Variants in MCTP1 observed in about 807,000 individuals in gnomAD.
MCTP1 encodes the protein multiple C2 and transmembrane domain containing 1.
Under a neutral mutation model 120.6 loss-of-function variants are expected in MCTP1, and 69 were observed. The ratio of observed to expected loss-of-function variants is 0.57; its 90% CI spans 0.47 to 0.70. The LOEUF (loss-of-function observed/expected upper bound fraction) is 0.70. MCTP1 is among the 30% of genes least tolerant of loss of function. The probability of loss-of-function intolerance (pLI) is 0.00; values close to 1 mark genes in which losing one functional copy is unlikely to be tolerated. For synonymous variants in MCTP1, 529 were observed against 493.1 expected (o/e 1.07, Z -0.96); for missense variants, 1,203 against 1,248.8 (o/e 0.96, Z 0.55).
At chr5:94,916,907 G>C (rs1398045677) in intron 8 of MCTP1, among the ~76,000 whole-genome samples, 5 of 152,178 alleles carry the variant, frequency 3.3e-5, no homozygotes, top group African/African-American at 1.2e-4. Context: ...TGGTGCATGC[G>C]CACTGGCTTC....
chr5:94,987,299 G>A (rs1055108300), intron 2 of MCTP1, among the ~76,000 whole-genome samples: 5 of 152,072 alleles, frequency 3.3e-5, no homozygotes, highest in African/African-American at 4.8e-5. Flanking sequence ...ATTATTATAA[G>A]CATGGGGCTT....
chr5:94,726,687 G>A (rs933705138), intron 19 of MCTP1, among the ~76,000 whole-genome samples: 2 of 152,040 alleles, frequency 1.3e-5, no homozygotes, highest in African/African-American at 4.8e-5. Context: ...AGGTGGCAGG[G>A]TCATATGGTT....
chr5:94,947,573 TATATAG>T lies in MCTP1; in HGVS notation c.982-5152_982-5147del, dbSNP rs1336439929. Among the ~76,000 whole-genome samples the T allele has an allele frequency of 3.3e-3, 157 of 47,010 alleles. 1 individual carries two copies. Among genetic ancestry groups the T allele is most frequent in the Admixed American group, 5.2e-3 (23 of 4,436 alleles). The allele number at this position is 47,010 out of a possible 152,430, so 30.8% of individuals were successfully genotyped here. ...TTTACTAAATATATATATATATATA[TATATAG>T]AGAGAGAGAGAGAGAGAGAGAGAGA... On this transcript the variant is annotated intron_variant, in intron 3 of 22. Transcript: ENST00000515393.
chr5:94,783,792 C>T (rs1472978976), intron 18 of MCTP1, among the ~76,000 whole-genome samples: 1 of 152,046 alleles, frequency 6.6e-6, no homozygotes, highest in Non-Finnish European at 1.5e-5. Flanking sequence ...AATTCTTCCA[C>T]TTATTTAAAT....
chr5:95,105,991 G>A (rs1045722623), intron 1 of MCTP1, among the ~76,000 whole-genome samples: 18 of 152,280 alleles, frequency 1.2e-4, no homozygotes, highest in Middle Eastern at 3.4e-3. Context: ...CAGGACCAAA[G>A]ATCCCAAGGA....
intron 12 of MCTP1, among the ~76,000 whole-genome samples, chr5:94,882,004 T>C (rs1391360351): frequency 6.6e-6 from 1 of 152,290 alleles, no homozygotes; most frequent in South Asian, 2.1e-4. Context: ...TATGTATAAT[T>C]TACTCTCATG....
intron 19 of MCTP1, among the ~76,000 whole-genome samples, chr5:94,732,654 GA>G (rs1421354592): frequency 6.6e-6 from 1 of 152,134 alleles, no homozygotes; most frequent in Non-Finnish European, 1.5e-5. Context: ...ATTACATCAT[GA>G]GGGTGGAACT....
intron 19 of MCTP1, among the ~76,000 whole-genome samples, chr5:94,716,236 G>A (rs1759263294): frequency 6.6e-6 from 1 of 152,142 alleles, no homozygotes; most frequent in Non-Finnish European, 1.5e-5. Context: ...TCTTGCTTAT[G>A]CCAAAATGGA....
At chr5:95,145,406 A>T (rs1011036630) in intron 1 of MCTP1, among the ~76,000 whole-genome samples, 2 of 151,894 alleles carry the variant, frequency 1.3e-5, no homozygotes, top group Non-Finnish European at 2.9e-5. Flanking sequence ...GCCTGATTGC[A>T]CTGGCCAGGA....
At chr5:94,944,659 T>C (rs66881046) in intron 3 of MCTP1, among the ~76,000 whole-genome samples, 5,888 of 152,302 alleles carry the variant, frequency 0.039, 168 homozygotes, top group Non-Finnish European at 0.06. Flanking sequence ...ACTCTCCTAG[T>C]GAGAGTCTTT....
At chr5:95,097,193 G>C (rs1404821800) in intron 1 of MCTP1, among the ~76,000 whole-genome samples, 1 of 151,916 alleles carries the variant, frequency 6.6e-6, no homozygotes, top group African/African-American at 2.4e-5. Flanking sequence ...TTCTTAAATA[G>C]AGCAAAAACA....
chr5:94,904,513 T>G (rs564926973), intron 10 of MCTP1, among the ~76,000 whole-genome samples: 1 of 152,340 alleles, frequency 6.6e-6, no homozygotes, highest in East Asian at 1.9e-4. Flanking sequence ...GATATCATGA[T>G]GATGAAAAGT....
intron 2 of MCTP1, among the ~76,000 whole-genome samples, chr5:94,995,610 A>G (rs1349073867): frequency 1.3e-5 from 2 of 152,198 alleles, no homozygotes. Context: ...TTTTCTGGGG[A>G]AAGAGTTATC....
intron 5 of MCTP1, among the ~76,000 whole-genome samples, chr5:94,936,776 T>G (rs1235403818): frequency 1.3e-5 from 2 of 152,104 alleles, no homozygotes; most frequent in East Asian, 1.9e-4. Context: ...TATGTGTTTT[T>G]GGGCATTTTC....
chr5:94,763,812 G>GA (rs958496307), intron 19 of MCTP1, among the ~76,000 whole-genome samples: 20 of 151,900 alleles, frequency 1.3e-4, no homozygotes, highest in South Asian at 1.2e-3. Context: ...AACTTTGAAA[G>GA]AAAAAAAATT....
chr5:94,800,392 G>C (rs1454375963), intron 17 of MCTP1, among the ~76,000 whole-genome samples: 1 of 152,176 alleles, frequency 6.6e-6, no homozygotes, highest in Non-Finnish European at 1.5e-5. Context: ...GCATTTGATA[G>C]GTCAGGAGAG....
At chr5:94,963,385 T>C (rs1581600470) in intron 2 of MCTP1, among the ~76,000 whole-genome samples, 1 of 149,826 alleles carries the variant, frequency 6.7e-6, no homozygotes, top group African/African-American at 2.5e-5. Flanking sequence ...ACCTCCATAC[T>C]GTTTTCCTTA....
intron 2 of MCTP1, among the ~76,000 whole-genome samples, chr5:95,006,350 G>A (rs1239471360): frequency 6.7e-6 from 1 of 149,640 alleles, no homozygotes; most frequent in Admixed American, 6.7e-5. Context: ...TATGTGTATG[G>A]GTGTATTTGT....
intron 1 of MCTP1, among the ~76,000 whole-genome samples, chr5:95,236,784 G>C (rs1235736700): frequency 2.6e-5 from 4 of 152,104 alleles, no homozygotes; most frequent in Non-Finnish European, 5.9e-5. Context: ...AGGATAATCA[G>C]AACTGCTGGA....
Sources: gnomAD v4.1 joint callset for allele counts (sites outside exome capture counted in the v4.1 genomes callset) on GRCh38, gnomAD v4.1.1 for gene constraint, MANE v1.5 for transcripts, NCBI Gene and HGNC (gene_info 2026-07-23, HGNC 2026-07-21) for gene names.